The following ENAH variants were observed in gnomAD, a reference collection of about 807,000 sequenced individuals.
The protein encoded by ENAH is protein enabled homolog.
ENAH carries 23 observed loss-of-function variants against 78.7 expected under a neutral mutation model. The ratio of observed to expected loss-of-function variants is 0.29; its 90% CI spans 0.21 to 0.41. ENAH has a LOEUF of 0.41. Among genes scored for constraint, ENAH ranks in the 10% least tolerant of loss-of-function variants. ENAH has a pLI of 1.00. For synonymous variants in ENAH, 226 were observed against 241.0 expected (o/e 0.94, Z 0.58); for missense variants, 544 against 691.0 (o/e 0.79, Z 2.39).
rs138803867 is a variant in ENAH, at chr1:225,618,688, A to T, written c.5+33998T>A. 4.0e-3 allele frequency among the ~76,000 whole-genome samples: 608 copies of T among 152,288 alleles called. 4 individuals carry two copies. The highest frequency in any genetic ancestry group is 6.4e-3 in the Admixed American group (98 of 15,306). On this transcript the variant is annotated intron_variant, in intron 1 of 13. Transcript: ENST00000366843. ...CTCAGTGATCACTCTACAAAAACTC[A>T]ACTTAGAAAGTTTCATGTTCTACTT...
At chr1:225,626,086 C>T (rs755235006) in intron 1 of ENAH, among the ~76,000 whole-genome samples, 12 of 152,174 alleles carry the variant, frequency 7.9e-5, no homozygotes, top group South Asian at 4.2e-4. Context: ...TAATGGGAAT[C>T]TAGAAAAACC....
At chr1:225,524,481 AT>A (rs1175549584) in intron 4 of ENAH, 6 of 375,580 alleles carry the variant, frequency 1.6e-5, no homozygotes, top group African/African-American at 2.2e-5. Flanking sequence ...ATACAGTTTG[AT>A]TGTATAACAT....
chr1:225,510,995 T>A lies in ENAH; in HGVS notation c.1471+816A>T, dbSNP rs564403739. On this transcript the variant is annotated intron_variant, in intron 10 of 13. Transcript: ENST00000366843. ...AAGACTGCACCACTGCACTCCAGCC[T>A]GGGCAACAGAGCAAGACCCCATCTC... is the stretch of plus-strand genomic sequence containing the variant. 8.5e-5 allele frequency among the ~76,000 whole-genome samples: 13 copies of A among 152,206 alleles called. No homozygotes were observed. The South Asian group carries it at 2.7e-3, about 32-fold the overall frequency.
rs1255493525 is a variant in ENAH at position 225,492,605 on chromosome 1, C to T, written c.*5170G>A. 6.6e-6 allele frequency: 1 copy of T among 152,172 alleles called. No homozygotes were observed. The highest frequency in any genetic ancestry group is 2.4e-5 in the African/African-American group (1 of 41,446). 9.4% of individuals were successfully genotyped at this position (152,172 alleles called of 1,614,324 possible). A position where few individuals can be genotyped will look rare whatever the true frequency, so the allele number is the denominator to read the frequency against. On this transcript the variant is annotated 3_prime_UTR_variant, in exon 14 of 14. Transcript: ENST00000366843. ...AGTGACTGTGATTCTTTGGTTCAAA[C>T]ACTTAATTGGGGCTTCATCTTTGAT... is the stretch of plus-strand genomic sequence containing the variant.
rs996945396 is a variant in ENAH, at chr1:225,491,915, C to G, written c.*5860G>C. ...AATTGTCATCTACTGCTGAAGAAAT[C>G]TTTCTTGGAATTGAAGGGAACAGTT... is the stretch of plus-strand genomic sequence containing the variant. On this transcript the variant is annotated 3_prime_UTR_variant, in exon 14 of 14. Coordinates refer to ENST00000366843, the MANE Select transcript of ENAH (RefSeq NM_018212.6). 3.3e-5 allele frequency: 5 copies of G among 152,096 alleles called. No homozygotes were observed. Among genetic ancestry groups the G allele is most frequent in the African/African-American group, 1.2e-4 (5 of 41,392 alleles). 9.4% of individuals were successfully genotyped at this position (152,096 alleles called of 1,614,324 possible).
chr1:225,515,704 C>T (rs758886920), intron 6 of ENAH, among the ~76,000 whole-genome samples: 3 of 152,120 alleles, frequency 2.0e-5, no homozygotes, highest in South Asian at 2.1e-4. Flanking sequence ...GTTTTCAGAA[C>T]GAATAAAATG....
chr1:225,544,851 T>C (rs1327489506), intron 3 of ENAH, among the ~76,000 whole-genome samples: 2 of 151,836 alleles, frequency 1.3e-5, no homozygotes, highest in Non-Finnish European at 1.5e-5. Context: ...ACAAAAAAAA[T>C]CACAAAAAGA....
intron 3 of ENAH, among the ~76,000 whole-genome samples, chr1:225,551,337 A>T (rs1457371010): frequency 6.6e-6 from 1 of 152,218 alleles, no homozygotes; most frequent in African/African-American, 2.4e-5. Context: ...TTCATTAAAA[A>T]AAGGAAATAT....
chr1:225,533,658 T>C (rs1035293599), intron 3 of ENAH, among the ~76,000 whole-genome samples: 3 of 152,160 alleles, frequency 2.0e-5, no homozygotes, highest in Non-Finnish European at 4.4e-5. Context: ...TGTGAGTTAC[T>C]GTTTGTAACA....
At chr1:225,616,442 T>A (rs1461409363) in intron 1 of ENAH, among the ~76,000 whole-genome samples, 1 of 151,848 alleles carries the variant, frequency 6.6e-6, no homozygotes, top group African/African-American at 2.4e-5. Flanking sequence ...GAGAAAAAAA[T>A]TTAATGAATG....
At chr1:225,652,448 A>G in intron 1 of ENAH, 3 of 978,930 alleles carry the variant, frequency 3.1e-6, no homozygotes, top group Non-Finnish European at 3.6e-6. Flanking sequence ...GTGAAAGAAG[A>G]GCATTTGAGG....
chr1:225,648,906 G>A (rs913438460), intron 1 of ENAH, among the ~76,000 whole-genome samples: 1 of 151,810 alleles, frequency 6.6e-6, no homozygotes, highest in African/African-American at 2.4e-5. Context: ...CCCTAAGGAA[G>A]GAAACACAGA....
At chr1:225,505,192 C>A in intron 11 of ENAH, 2 of 525,902 alleles carry the variant, frequency 3.8e-6, no homozygotes, top group Admixed American at 3.6e-5. Context: ...CCAATTTTTC[C>A]CCAATAAAAG....
chr1:225,513,988 T>G (rs1237964527), intron 7 of ENAH, among the ~76,000 whole-genome samples: 1 of 151,214 alleles, frequency 6.6e-6, no homozygotes, highest in African/African-American at 2.4e-5. Context: ...AAACTCCGTC[T>G]CAAGAGAAAA....
chr1:225,644,735 T>C (rs897918984), intron 1 of ENAH, among the ~76,000 whole-genome samples: 3 of 152,224 alleles, frequency 2.0e-5, no homozygotes, highest in Non-Finnish European at 2.9e-5. Context: ...TCATTTTGAT[T>C]TCACATCATC....
intron 1 of ENAH, among the ~76,000 whole-genome samples, chr1:225,594,535 AG>A (rs2096893183): frequency 6.6e-6 from 1 of 152,210 alleles, no homozygotes; most frequent in Admixed American, 6.5e-5. Flanking sequence ...ACAGAACTGC[AG>A]GGATACTCCT....
chr1:225,539,578 T>G (rs1355746389), intron 3 of ENAH, among the ~76,000 whole-genome samples: 1 of 152,128 alleles, frequency 6.6e-6, no homozygotes, highest in Non-Finnish European at 1.5e-5. Flanking sequence ...CTTTAATAAT[T>G]AACCCAAATC....
chr1:225,620,608 C>A (rs1217549975), intron 1 of ENAH, among the ~76,000 whole-genome samples: 1 of 152,162 alleles, frequency 6.6e-6, no homozygotes, highest in Non-Finnish European at 1.5e-5. Context: ...TGTTTTCACA[C>A]AATTACCAAA....
intron 1 of ENAH, among the ~76,000 whole-genome samples, chr1:225,596,646 A>G (rs1196029304): frequency 6.6e-6 from 1 of 152,230 alleles, no homozygotes; most frequent in African/African-American, 2.4e-5. Context: ...TTAAGCCTGA[A>G]AAGAGTGATT....
Sources: gnomAD v4.1 joint callset for allele counts (sites outside exome capture counted in the v4.1 genomes callset) on GRCh38, gnomAD v4.1.1 for gene constraint, MANE v1.5 for transcripts, NCBI Gene and HGNC (gene_info 2026-07-23, HGNC 2026-07-21) for gene names.